Variants in SLCO3A1 observed in about 807,000 individuals in gnomAD.
SLCO3A1 encodes solute carrier organic anion transporter family member 3A1.
In SLCO3A1, 27 loss-of-function variants were observed where a neutral mutation model predicts 63.1. The observed-to-expected ratio is 0.43, with a 90% confidence interval of 0.32 to 0.59. The LOEUF is 0.59. SLCO3A1 is among the 20% of genes least tolerant of loss of function. SLCO3A1 has a pLI of 0.09. For missense variants in SLCO3A1, 773 were observed against 945.8 expected (o/e 0.82, Z 2.40); for synonymous variants, 473 against 409.9 (o/e 1.15, Z -1.86).
chr15:91,889,071 T>C (rs951427592), intron 1 of SLCO3A1: 21 of 827,814 alleles, frequency 2.5e-5, no homozygotes, highest in Middle Eastern at 5.8e-4. Flanking sequence ...AGCTAACATA[T>C]AGCTAACATT....
intron 6 of SLCO3A1, among the ~76,000 whole-genome samples, 159 bp downstream of exon 6, chr15:92,126,418 AC>A (rs2047924589): frequency 6.6e-6 from 1 of 152,072 alleles, no homozygotes; most frequent in South Asian, 2.1e-4. Flanking sequence ...AATCAGTAGA[AC>A]CCTCTGGGCT....
intron 2 of SLCO3A1, among the ~76,000 whole-genome samples, chr15:92,075,620 CAGAT>C (rs2047267249): frequency 6.6e-6 from 1 of 152,226 alleles, no homozygotes; most frequent in African/African-American, 2.4e-5. Flanking sequence ...CCCTTTCAGA[CAGAT>C]AGTTTGGCCA....
chr15:92,128,099 AG>A (rs2047947325), intron 6 of SLCO3A1, among the ~76,000 whole-genome samples: 1 of 152,130 alleles, frequency 6.6e-6, no homozygotes, highest in Non-Finnish European at 1.5e-5. Context: ...GCTCCCACCC[AG>A]CCCACCACCC....
rs1268727040 is a variant in SLCO3A1 at position 91,883,065 on chromosome 15, G to T, written c.180+28977G>T. ...TGTAAACAGAGAGGAGAATGGTGAG[G>T]ACTTGGGAAGGAGCCATGTGCTCCA... On this transcript the variant is annotated intron_variant, in intron 1 of 9. Transcript: ENST00000318445. The surrounding 1 kb of genome is among the most constrained non-coding windows in gnomAD (Gnocchi z 4.8). Among the ~76,000 whole-genome samples, 1 of 152,244 alleles carries T rather than the reference G, an allele frequency of 6.6e-6. No individual in the cohort carries two copies. Among genetic ancestry groups the T allele is most frequent in the African/African-American group, 2.4e-5 (1 of 41,478 alleles).
chr15:92,083,359 A>G (rs1461339334), intron 2 of SLCO3A1, among the ~76,000 whole-genome samples: 3 of 152,128 alleles, frequency 2.0e-5, no homozygotes, highest in African/African-American at 7.2e-5. Flanking sequence ...AGAAGTCAGG[A>G]CTGACTGTCA....
chr15:92,055,414 A>G (rs76664924), intron 2 of SLCO3A1, among the ~76,000 whole-genome samples: 3,944 of 152,274 alleles, frequency 0.026, 77 homozygotes, highest in Admixed American at 0.05. Context: ...AATTCTGATA[A>G]TGGTTTCTTT....
intron 3 of SLCO3A1, among the ~76,000 whole-genome samples, chr15:92,102,743 G>A (rs1040679462): frequency 7.2e-5 from 11 of 152,176 alleles, no homozygotes; most frequent in African/African-American, 2.2e-4. Context: ...GGAAGAGCTG[G>A]TGGCCTTAGG....
In SLCO3A1 at chr15:91,860,855, C is replaced by T. The variant is rs1304601793; in HGVS notation, c.180+6767C>T. The stretch of plus-strand genomic sequence containing the variant: ...GCAAGCAGGTCTGTGGGCATTTCCC[C>T]ACGCTTGGTCTTTTTTTTTGGTTTC... On this transcript the variant is annotated intron_variant, in intron 1 of 9. Transcript: ENST00000318445. This position sits in a 1 kb window ranked among gnomAD's most constrained non-coding sequence, Gnocchi z 5.5. 1.3e-5 allele frequency among the ~76,000 whole-genome samples: 2 copies of T among 152,190 alleles called. No homozygotes were observed. Among genetic ancestry groups the T allele is most frequent in the African/African-American group, 2.4e-5 (1 of 41,444 alleles).
rs150121628 is a variant in SLCO3A1 at position 91,982,099 on chromosome 15, C to T, written c.646+65641C>T. Reference sequence around the variant, plus strand: ...CTTCAGCCAGCATGCCAGATTCTGGCCCTCAGGCAGCTGCCCAAAGAGCTC... The same window carrying T: ...CTTCAGCCAGCATGCCAGATTCTGGTCCTCAGGCAGCTGCCCAAAGAGCTC... On this transcript the variant is annotated intron_variant, in intron 2 of 9. Transcript: ENST00000318445. 2.1e-3 allele frequency among the ~76,000 whole-genome samples: 323 copies of T among 152,398 alleles called. 1 individual carries two copies. The highest frequency in any genetic ancestry group is 6.8e-3 in the African/African-American group (283 of 41,600).
At position 91,890,352 on chromosome 15, in the gene SLCO3A1, C is replaced by G. The variant is rs181862211; in HGVS notation, c.181-25641C>G. The stretch of plus-strand genomic sequence containing the variant: ...TATTTTTAAGTAAGTTGCCTGGTCC[C>G]TAATCATGACTATGTGCTCAGCTTG... On this transcript the variant is annotated intron_variant, in intron 1 of 9. Transcript: ENST00000318445. Among the ~76,000 whole-genome samples the G allele has an allele frequency of 1.6e-4, 24 of 152,258 alleles. 1 individual carries two copies. The highest frequency in any genetic ancestry group is 1.5e-3 in the South Asian group (7 of 4,824).
intron 7 of SLCO3A1, among the ~76,000 whole-genome samples, chr15:92,138,476 C>G (rs1176350839): frequency 8.4e-6 from 1 of 119,238 alleles, no homozygotes; most frequent in Non-Finnish European, 1.6e-5. Flanking sequence ...TTGGTTCCAT[C>G]TGAACTTTAA....
At chr15:91,999,767 G>A (rs1265511227) in intron 2 of SLCO3A1, among the ~76,000 whole-genome samples, 3 of 152,208 alleles carry the variant, frequency 2.0e-5, no homozygotes, top group Non-Finnish European at 4.4e-5. Flanking sequence ...CTCTAGCTGG[G>A]CAACAGAGCG....
At chr15:92,120,327 G>A in intron 4 of SLCO3A1, 138 bp from the exon 5 acceptor site, 1 of 867,072 alleles carries the variant, frequency 1.2e-6, no homozygotes, top group Non-Finnish European at 1.8e-6. Context: ...TTTGGCCTTA[G>A]CAACTGGGTA....
chr15:91,898,843 A>G (rs532243562), intron 1 of SLCO3A1, among the ~76,000 whole-genome samples: 1 of 152,310 alleles, frequency 6.6e-6, no homozygotes, highest in South Asian at 2.1e-4. Context: ...ATTAGGAAGA[A>G]ATGTCTAAAA....
chr15:92,050,151 G>C (rs1597260487), intron 2 of SLCO3A1, among the ~76,000 whole-genome samples: 1 of 152,184 alleles, frequency 6.6e-6, no homozygotes, highest in East Asian at 1.9e-4. Context: ...TTTAGCTTCT[G>C]GTCTTGTGGA....
At chr15:92,116,967 T>C (rs1042439901) in intron 4 of SLCO3A1, among the ~76,000 whole-genome samples, 4 of 152,216 alleles carry the variant, frequency 2.6e-5, no homozygotes, top group Non-Finnish European at 4.4e-5. Flanking sequence ...AGTCAAATCA[T>C]TCTCAAACCT....
At chr15:91,982,191 C>T (rs1165982322) in intron 2 of SLCO3A1, among the ~76,000 whole-genome samples, 1 of 152,230 alleles carries the variant, frequency 6.6e-6, no homozygotes, top group East Asian at 1.9e-4. Context: ...TGGGTCATGC[C>T]GGCCACACAT....
intron 7 of SLCO3A1, among the ~76,000 whole-genome samples, chr15:92,145,870 C>T (rs551267968): frequency 4.1e-4 from 63 of 152,234 alleles, no homozygotes; most frequent in Middle Eastern, 6.8e-3. Context: ...GGGGGCACAG[C>T]GATACAGACT....
intron 2 of SLCO3A1, among the ~76,000 whole-genome samples, chr15:92,037,689 C>T (rs1032085088): frequency 2.0e-5 from 3 of 152,218 alleles, no homozygotes; most frequent in African/African-American, 7.2e-5. Context: ...GTCAAGCCAA[C>T]TGTGTAATCC....
Sources: allele counts gnomAD v4.1 joint callset (sites outside exome capture counted in the v4.1 genomes callset), GRCh38; gene constraint gnomAD v4.1.1; non-coding constraint Gnocchi (gnomAD v3.1); transcripts MANE v1.5; gene names NCBI Gene and HGNC (gene_info 2026-07-23, HGNC 2026-07-21).